TRPC3: variants seen among roughly 807,000 people sequenced by gnomAD.
The protein encoded by TRPC3 is short transient receptor potential channel 3.
TRPC3 carries 54 observed loss-of-function variants against 90.9 expected under a neutral mutation model. The observed-to-expected ratio is 0.59, with a 90% CI of 0.48 to 0.75. The LOEUF (loss-of-function observed/expected upper bound fraction) is 0.75. TRPC3 is among the 30% of genes least tolerant of loss of function. The pLI, the probability that TRPC3 is intolerant of heterozygous loss-of-function variation, is 0.00. For synonymous variants in TRPC3, 424 were observed against 450.9 expected (o/e 0.94, Z 0.75); for missense variants, 918 against 1,194.5 (o/e 0.77, Z 3.41).
At chr4:121,946,734 G>C (rs1037775197) in intron 1 of TRPC3, among the ~76,000 whole-genome samples, 2 of 152,210 alleles carry the variant, frequency 1.3e-5, no homozygotes, top group Non-Finnish European at 1.5e-5. Flanking sequence ...CTGGGGGCTT[G>C]CTGTTGTTCG....
At chr4:121,902,115 T>C (rs548707730) in intron 9 of TRPC3, among the ~76,000 whole-genome samples, 10 of 152,298 alleles carry the variant, frequency 6.6e-5, no homozygotes, top group East Asian at 5.8e-4. Flanking sequence ...CGTGGGCTTT[T>C]AGGATGTTAT....
At position 121,936,205 on chromosome 4, in the gene TRPC3, A is replaced by T. The variant is rs138652162; in HGVS notation, c.216-3163T>A. On this transcript the variant is annotated intron_variant, in intron 1 of 11. Transcript: ENST00000379645. ...ACTAAGATAAATTTCATTAATCTGAACTGATGGAACGAGTCAATATTCACA... is the reference window on the plus strand; with the variant it reads ...ACTAAGATAAATTTCATTAATCTGATCTGATGGAACGAGTCAATATTCACA... Among the ~76,000 whole-genome samples the T allele has an allele frequency of 8.5e-4, 129 of 152,342 alleles. 1 individual carries two copies. The highest frequency in any genetic ancestry group is 1.3e-3 in the Non-Finnish European group (91 of 68,040).
intron 4 of TRPC3, among the ~76,000 whole-genome samples, chr4:121,913,527 G>A (rs1374338548): frequency 2.0e-5 from 3 of 152,168 alleles, no homozygotes; most frequent in Admixed American, 1.3e-4. Flanking sequence ...CTCCAAGATG[G>A]CTACTTCAAA....
intron 10 of TRPC3, 21 bp downstream of exon 10, chr4:121,899,591 A>G: frequency 6.3e-7 from 1 of 1,597,948 alleles, no homozygotes; most frequent in Non-Finnish European, 8.6e-7. Flanking sequence ...AGATCAAGAG[A>G]TACGTCTAAT....
chr4:121,935,555 A>G lies in TRPC3; in HGVS notation c.216-2513T>C, dbSNP rs115327960. Among the ~76,000 whole-genome samples the G allele has an allele frequency of 2.5e-3, 379 of 152,298 alleles. 2 individuals are homozygous for G. Among genetic ancestry groups the G allele is most frequent in the African/African-American group, 8.7e-3 (361 of 41,552 alleles). ...TTTAAACAAATCTTGTAAATATTAT[A>G]GTAATAAGTATGTTTTATGACTATT... On this transcript the variant is annotated intron_variant, in intron 1 of 11. Coordinates refer to ENST00000379645, the MANE Select transcript of TRPC3 (RefSeq NM_001130698.2).
rs1205006372 is a variant in TRPC3, at chr4:121,894,574, T to TG, written c.2547+5037_2547+5038insC. Among the ~76,000 whole-genome samples, 385 of 141,624 alleles carry TG rather than the reference T, an allele frequency of 2.7e-3. 5 individuals carry two copies. Among genetic ancestry groups the TG allele is most frequent in the African/African-American group, 9.8e-3 (375 of 38,178 alleles). 92.9% of individuals were successfully genotyped at this position (141,624 alleles called of 152,430 possible). On this transcript the variant is annotated intron_variant, in intron 10 of 11. Coordinates refer to ENST00000379645, the MANE Select transcript of TRPC3 (RefSeq NM_001130698.2). ...CATTCTGTTTTTTTTTTTTTTTTTT[T>TG]TTTTTTTGAGACAGTGTCTCACTCT...
At chr4:121,908,075 T>C (rs920858065) in intron 6 of TRPC3, among the ~76,000 whole-genome samples, 1 of 152,160 alleles carries the variant, frequency 6.6e-6, no homozygotes, top group African/African-American at 2.4e-5. Flanking sequence ...GCTGACGATG[T>C]GTTATCTCAG....
At chr4:121,885,062 T>C (rs950680237) in intron 10 of TRPC3, among the ~76,000 whole-genome samples, 2 of 152,142 alleles carry the variant, frequency 1.3e-5, no homozygotes, top group African/African-American at 2.4e-5. Flanking sequence ...GGAAAAGAAA[T>C]GACTATTTAA....
At chr4:121,886,489 A>G (rs892540558) in intron 10 of TRPC3, among the ~76,000 whole-genome samples, 5 of 152,174 alleles carry the variant, frequency 3.3e-5, no homozygotes, top group Admixed American at 3.3e-4. Context: ...ACCATTACAC[A>G]GCTTCTGTAT....
intron 10 of TRPC3, among the ~76,000 whole-genome samples, chr4:121,883,811 GTCC>G (rs1728020976): frequency 6.6e-6 from 1 of 152,134 alleles, no homozygotes; most frequent in East Asian, 1.9e-4. Context: ...GCTCAACGCT[GTCC>G]TCCTGCCTCA....
chr4:121,949,969 A>G (rs1271535542), intron 1 of TRPC3, among the ~76,000 whole-genome samples: 1 of 152,212 alleles, frequency 6.6e-6, no homozygotes, highest in African/African-American at 2.4e-5. Flanking sequence ...AAGAATTTTA[A>G]AAGGAATAAA....
At chr4:121,948,639 T>C (rs148566732) in intron 1 of TRPC3, among the ~76,000 whole-genome samples, 1 of 152,124 alleles carries the variant, frequency 6.6e-6, no homozygotes, top group African/African-American at 2.4e-5. Flanking sequence ...CCTATACATA[T>C]CTATGTTCCA....
At chr4:121,929,650 C>T (rs984759389) in intron 2 of TRPC3, among the ~76,000 whole-genome samples, 2 of 152,032 alleles carry the variant, frequency 1.3e-5, no homozygotes, top group Non-Finnish European at 2.9e-5. Flanking sequence ...AATATTTGAC[C>T]TCTTAGGGTA....
intron 10 of TRPC3, among the ~76,000 whole-genome samples, chr4:121,892,730 A>T (rs541113546): frequency 6.6e-6 from 1 of 152,078 alleles, no homozygotes; most frequent in African/African-American, 2.4e-5. Flanking sequence ...GTATATCCTT[A>T]GAAAAGAAAA....
intron 2 of TRPC3, among the ~76,000 whole-genome samples, chr4:121,931,715 C>A (rs893837724): frequency 1.3e-5 from 2 of 152,084 alleles, no homozygotes; most frequent in African/African-American, 4.8e-5. Flanking sequence ...TTTTATTGGT[C>A]TTTTGACTTT....
At chr4:121,883,001 G>T (rs1027566966) in intron 10 of TRPC3, among the ~76,000 whole-genome samples, 4 of 151,574 alleles carry the variant, frequency 2.6e-5, no homozygotes, top group Admixed American at 6.6e-5. Flanking sequence ...CATATATTTT[G>T]TTATATTGCA....
In TRPC3 at chr4:121,904,338, G is replaced by C; in HGVS notation, c.2237C>G (p.Ser746Ter). ...CCGATTTACCTCAATTTCTTGATAT[G>C]AGCTATTAATCATAGCAATTAGCAT... is the stretch of plus-strand genomic sequence containing the variant. Reference protein sequence around the residue: ...LNMLIAMINSSYQEIEDDSDV... With the variant: ...LNMLIAMINS Residue 746 changes from serine (S) to a stop codon, truncating the protein, a stop_gained, in exon 8 of 12, where the codon TCA (serine) becomes TGA (stop). Transcript: ENST00000379645. LOFTEE classifies it high-confidence loss of function. The C allele has an allele frequency of 6.3e-7, 1 of 1,598,064 alleles. No individual in the cohort carries two copies. The highest frequency in any genetic ancestry group is 1.4e-5 in the African/African-American group (1 of 73,690).
chr4:121,877,345 G>C lies in TRPC3; in HGVS notation c.*2391C>G, dbSNP rs1226216938. Among the ~76,000 whole-genome samples the C allele has an allele frequency of 1.3e-5, 2 of 152,200 alleles. No individual in the cohort carries two copies. The highest frequency in any genetic ancestry group is 2.9e-5 in the Non-Finnish European group (2 of 68,032). On this transcript the variant is annotated 3_prime_UTR_variant, in exon 12 of 12. Transcript: ENST00000379645. ...AAACCAGGATTTCATCTCAGCTTGA[G>C]TCTGGCATCACCCTAATCCTTTCAG...
At position 121,912,096 on chromosome 4, in the gene TRPC3, G is replaced by A; in HGVS notation, c.1342-3C>T. On this transcript the variant is annotated splice_polypyrimidine_tract_variant and splice_region_variant and intron_variant, in intron 4 of 11. Coordinates refer to ENST00000379645, the MANE Select transcript of TRPC3 (RefSeq NM_001130698.2). ...GGGCTTCGCAGAATTTTCCCCAGCT[G>A]TAACAAACCAAAGAGGAAAAGTTTG... 6.2e-7 allele frequency: 1 copy of A among 1,612,274 alleles called. No homozygotes were observed. Among genetic ancestry groups the A allele is most frequent in the Non-Finnish European group, 8.5e-7 (1 of 1,179,092 alleles).
Sources: allele counts gnomAD v4.1 joint callset (sites outside exome capture counted in the v4.1 genomes callset), GRCh38; gene constraint gnomAD v4.1.1; transcripts MANE v1.5; gene names NCBI Gene and HGNC (gene_info 2026-07-23, HGNC 2026-07-21).